Variants in MYO5B observed in about 807,000 individuals in gnomAD.
MYO5B encodes unconventional myosin-Vb.
In MYO5B, 143 loss-of-function variants were observed where a neutral mutation model predicts 229.3. The ratio of observed to expected loss-of-function variants is 0.62; its 90% CI spans 0.54 to 0.72. MYO5B has a LOEUF of 0.72. Ranked by LOEUF, MYO5B falls within the 30% of genes least tolerant of loss-of-function variation. The pLI is 0.00. For synonymous variants in MYO5B, 918 were observed against 885.2 expected (o/e 1.04, Z -0.66); for missense variants, 2,321 against 2,331.0 (o/e 1.00, Z 0.09).
intron 1 of MYO5B, among the ~76,000 whole-genome samples, chr18:50,154,701 A>T (rs1006595924): frequency 2.0e-5 from 3 of 152,220 alleles, no homozygotes; most frequent in Non-Finnish European, 2.9e-5. Flanking sequence ...TCTAATTGGG[A>T]CAGGATGACA....
At chr18:49,951,016 T>G (rs566558071) in intron 14 of MYO5B, among the ~76,000 whole-genome samples, 44 of 152,328 alleles carry the variant, frequency 2.9e-4, no homozygotes, top group African/African-American at 9.4e-4. Context: ...TGGTTTGTGC[T>G]AGGCTAAGGG....
chr18:50,178,845 T>G (rs573334345), intron 1 of MYO5B, among the ~76,000 whole-genome samples: 4 of 152,304 alleles, frequency 2.6e-5, no homozygotes, highest in African/African-American at 9.6e-5. Flanking sequence ...AGTGGCCTGC[T>G]GAAAGGGGTT....
chr18:50,044,621 C>T (rs1360117483), intron 2 of MYO5B, among the ~76,000 whole-genome samples: 2 of 152,074 alleles, frequency 1.3e-5, no homozygotes, highest in Non-Finnish European at 2.9e-5. Context: ...AGGAACTGGT[C>T]TATACCTGAG....
chr18:50,192,094 G>A (rs983022215), intron 1 of MYO5B, among the ~76,000 whole-genome samples: 5 of 151,318 alleles, frequency 3.3e-5, no homozygotes, highest in African/African-American at 1.2e-4. Flanking sequence ...AAAAAATGTA[G>A]CTTGTTTGTG....
At chr18:49,936,186 G>A (rs1054698712) in intron 16 of MYO5B, 66 bp downstream of exon 16, 28 of 1,403,142 alleles carry the variant, frequency 2.0e-5, no homozygotes, top group Non-Finnish European at 4.9e-6. Flanking sequence ...GCAAGGCCTG[G>A]GCCACCCTGT....
At chr18:49,916,792 G>A (rs1427849802) in intron 17 of MYO5B, among the ~76,000 whole-genome samples, 2 of 152,204 alleles carry the variant, frequency 1.3e-5, no homozygotes, top group Non-Finnish European at 2.9e-5. Context: ...GAAGGACCCA[G>A]CATCAAATGT....
In MYO5B at chr18:50,100,923, G is replaced by T. The variant is rs76387318; in HGVS notation, c.28-45545C>A. Among the ~76,000 whole-genome samples, 14 of 152,232 alleles carry T rather than the reference G, an allele frequency of 9.2e-5. No homozygotes were observed. The East Asian group carries it at 2.7e-3, about 29-fold the overall frequency. ...TCTGCTTTGGGAGGGACAGGGCTTG[G>T]GCCAATGAAAACCTAGAACTTCAGT... On this transcript the variant is annotated intron_variant, in intron 1 of 39. Transcript: ENST00000285039.
chr18:50,104,264 TGA>T (rs1568107898), intron 1 of MYO5B, among the ~76,000 whole-genome samples: 2 of 71,416 alleles, frequency 2.8e-5, no homozygotes, highest in African/African-American at 1.2e-4. Context: ...GATCTATACA[TGA>T]TATATATATA....
At chr18:49,970,603 CT>C (rs1366736538) in intron 10 of MYO5B, among the ~76,000 whole-genome samples, 1 of 152,170 alleles carries the variant, frequency 6.6e-6, no homozygotes, top group East Asian at 1.9e-4. Flanking sequence ...TTCACTCTGG[CT>C]GTGAGTTCTG....
chr18:49,884,475 G>A (rs1054148226), intron 22 of MYO5B, among the ~76,000 whole-genome samples: 1 of 151,832 alleles, frequency 6.6e-6, no homozygotes, highest in South Asian at 2.1e-4. Context: ...CCTATCTGGG[G>A]GTGATGGGAG....
intron 4 of MYO5B, among the ~76,000 whole-genome samples, chr18:50,002,291 A>G (rs905791509): frequency 1.3e-5 from 2 of 152,182 alleles, no homozygotes; most frequent in African/African-American, 4.8e-5. Context: ...CAGAACTTTG[A>G]TAAAACTATC....
chr18:50,029,729 G>A (rs575855126), intron 4 of MYO5B, among the ~76,000 whole-genome samples: 2 of 152,268 alleles, frequency 1.3e-5, no homozygotes, highest in East Asian at 3.9e-4. Context: ...CAGAAGCAAG[G>A]CCAATGTTCC....
In MYO5B at chr18:50,090,814, C is replaced by A. The variant is rs1188206833; in HGVS notation, c.28-35436G>T. On this transcript the variant is annotated intron_variant, in intron 1 of 39. Coordinates refer to ENST00000285039, the MANE Select transcript of MYO5B (RefSeq NM_001080467.3). ...AGAGCCTCATTGTATCACCACTTTCCCTACAACAGCATCCCCCATCCTCCT... is the reference window on the plus strand; with the variant it reads ...AGAGCCTCATTGTATCACCACTTTCACTACAACAGCATCCCCCATCCTCCT... 2.0e-5 allele frequency among the ~76,000 whole-genome samples: 3 copies of A among 152,160 alleles called. No homozygotes were observed. In the East Asian group the frequency reaches 5.8e-4, roughly 29 times the overall value.
At chr18:50,116,237 G>A (rs954445501) in intron 1 of MYO5B, among the ~76,000 whole-genome samples, 1 of 152,138 alleles carries the variant, frequency 6.6e-6, no homozygotes, top group African/African-American at 2.4e-5. Context: ...GGCGATCCAT[G>A]CCCACAACAG....
At chr18:49,870,453 C>T (rs2024444423) in intron 27 of MYO5B, among the ~76,000 whole-genome samples, 1 of 152,282 alleles carries the variant, frequency 6.6e-6, no homozygotes, top group South Asian at 2.1e-4. Flanking sequence ...AAAATTTAAA[C>T]ATTTTGTACA....
intron 21 of MYO5B, among the ~76,000 whole-genome samples, chr18:49,901,521 C>T (rs1351508797): frequency 1.3e-5 from 2 of 152,210 alleles, no homozygotes; most frequent in Non-Finnish European, 2.9e-5. Flanking sequence ...GAGTGCTAAC[C>T]ATTTTTCAAG....
chr18:49,938,608 A>G (rs2025277306), intron 14 of MYO5B, among the ~76,000 whole-genome samples: 1 of 151,954 alleles, frequency 6.6e-6, no homozygotes, highest in Non-Finnish European at 1.5e-5. Flanking sequence ...ACTTAAGTGC[A>G]TGGCTCCCCT....
intron 4 of MYO5B, among the ~76,000 whole-genome samples, chr18:50,033,926 G>T (rs572384083): frequency 6.6e-5 from 10 of 151,714 alleles, no homozygotes; most frequent in African/African-American, 1.5e-4. Flanking sequence ...GGGTGGGTAT[G>T]GGGGGGAATA....
At chr18:50,065,861 G>A (rs2030807682) in intron 1 of MYO5B, among the ~76,000 whole-genome samples, 1 of 152,162 alleles carries the variant, frequency 6.6e-6, no homozygotes, top group African/African-American at 2.4e-5. Context: ...TGGGCAAGAT[G>A]TGGAAGGAGG....
Sources: allele counts gnomAD v4.1 joint callset (sites outside exome capture counted in the v4.1 genomes callset), GRCh38; gene constraint gnomAD v4.1.1; transcripts MANE v1.5; gene names NCBI Gene and HGNC (gene_info 2026-07-23, HGNC 2026-07-21).